The following FHIT variants were observed in gnomAD, a reference collection of about 807,000 sequenced individuals.
FHIT encodes the protein fragile histidine triad diadenosine triphosphatase.
A neutral mutation model predicts 17.9 loss-of-function variants in FHIT; 19 were observed. The ratio of observed to expected loss-of-function variants is 1.06; its 90% CI spans 0.74 to 1.56. The LOEUF is 1.56. Ranked by LOEUF, FHIT falls within the 40% of genes most tolerant of loss-of-function variation. The probability of loss-of-function intolerance (pLI) is 0.00; values close to 1 mark genes in which losing one functional copy is unlikely to be tolerated. For missense variants in FHIT, 248 were observed against 189.2 expected (o/e 1.31, Z -1.82); for synonymous variants, 81 against 69.7 (o/e 1.16, Z -0.81).
intron 4 of FHIT, among the ~76,000 whole-genome samples, chr3:60,786,978 C>T (rs1164787615): frequency 1.5e-5 from 2 of 132,030 alleles, no homozygotes; most frequent in Non-Finnish European, 3.2e-5. Context: ...GGAAAAGAAG[C>T]AGGAAAGAGG....
intron 7 of FHIT, among the ~76,000 whole-genome samples, chr3:59,926,412 T>C (rs576659470): frequency 2.6e-5 from 4 of 152,288 alleles, no homozygotes; most frequent in African/African-American, 7.2e-5. Context: ...TATATTCCAA[T>C]GGGTGATGCA....
chr3:60,130,835 A>G (rs1050637481), intron 5 of FHIT, among the ~76,000 whole-genome samples: 8 of 149,516 alleles, frequency 5.4e-5, no homozygotes, highest in Admixed American at 2.0e-4. Flanking sequence ...AGGTGTGTAC[A>G]TACATACACA....
At chr3:60,917,948 T>C (rs1201321813) in intron 3 of FHIT, among the ~76,000 whole-genome samples, 1 of 152,176 alleles carries the variant, frequency 6.6e-6, no homozygotes, top group African/African-American at 2.4e-5. Context: ...TTGATATGGT[T>C]TGGTTGTGTG....
At chr3:60,916,556 T>G (rs1553767134) in intron 3 of FHIT, among the ~76,000 whole-genome samples, 2 of 152,220 alleles carry the variant, frequency 1.3e-5, no homozygotes, top group Non-Finnish European at 2.9e-5. Context: ...CATTACCCAC[T>G]GCATCACCAT....
chr3:60,132,447 G>A (rs778068751), intron 5 of FHIT, among the ~76,000 whole-genome samples: 2 of 152,114 alleles, frequency 1.3e-5, no homozygotes, highest in African/African-American at 2.4e-5. Flanking sequence ...TTGAAAAGGG[G>A]GGAAAAATTA....
chr3:60,929,793 C>T (rs187106878), intron 3 of FHIT, among the ~76,000 whole-genome samples: 5,121 of 152,200 alleles, frequency 0.034, 288 homozygotes, highest in African/African-American at 0.12. Flanking sequence ...CTGCCCAAGG[C>T]AATTTATAGA....
intron 4 of FHIT, among the ~76,000 whole-genome samples, chr3:60,589,702 T>C (rs541009861): frequency 6.6e-6 from 1 of 152,218 alleles, no homozygotes; most frequent in South Asian, 2.1e-4. Context: ...CAGGAAGTTG[T>C]AGCAATTTAA....
intron 3 of FHIT, among the ~76,000 whole-genome samples, chr3:60,903,085 T>C (rs1477315755): frequency 6.6e-6 from 1 of 152,128 alleles, no homozygotes; most frequent in Non-Finnish European, 1.5e-5. Flanking sequence ...TAAAATATTA[T>C]CTTGAGAATC....
intron 8 of FHIT, among the ~76,000 whole-genome samples, chr3:59,830,542 A>G (rs1349504576): frequency 6.6e-6 from 1 of 152,214 alleles, no homozygotes; most frequent in Non-Finnish European, 1.5e-5. Flanking sequence ...GTTGTTGAAA[A>G]ATCTTTGGGA....
chr3:61,204,630 C>G (rs1042085762), intron 1 of FHIT, among the ~76,000 whole-genome samples: 6 of 124,066 alleles, frequency 4.8e-5, no homozygotes, highest in African/African-American at 1.5e-4. Context: ...AAAATTTTAT[C>G]AAAACGAATG....
At chr3:61,181,994 T>C (rs905975436) in intron 2 of FHIT, among the ~76,000 whole-genome samples, 6 of 152,334 alleles carry the variant, frequency 3.9e-5, no homozygotes, top group South Asian at 4.1e-4. Context: ...CATGCCAACA[T>C]AAGCATTTAA....
At chr3:60,028,412 T>C (rs370039893) in intron 5 of FHIT, among the ~76,000 whole-genome samples, 6 of 152,350 alleles carry the variant, frequency 3.9e-5, no homozygotes, top group East Asian at 3.9e-4. Context: ...ATGTAGATCA[T>C]AGATGTGCAT....
intron 5 of FHIT, among the ~76,000 whole-genome samples, chr3:60,164,811 A>G (rs1158144313): frequency 6.6e-6 from 1 of 151,962 alleles, no homozygotes; most frequent in Non-Finnish European, 1.5e-5. Flanking sequence ...TTAAAGCAGA[A>G]TTTTACCTTG....
rs869239307 is a variant in FHIT at position 60,976,096 on chromosome 3, C to CTTTTTTTTTTTTTTTTT, written c.-111+65934_-111+65950dup. On this transcript the variant is annotated intron_variant, in intron 3 of 9. Transcript: ENST00000492590. ...CTTTGTATCTTTCGTTTTTCTTTTTCTTTTTTTTTTTTTTTTTTTTTTTTT... is the reference window on the plus strand; with the variant it reads ...CTTTGTATCTTTCGTTTTTCTTTTTCTTTTTTTTTTTTTTTTTTTTTTTTTTTTTTTTTTTTTTTTTT... Among the ~76,000 whole-genome samples the CTTTTTTTTTTTTTTTTT allele has an allele frequency of 6.8e-3, 453 of 66,790 alleles. 70 individuals carry two copies. Among genetic ancestry groups the CTTTTTTTTTTTTTTTTT allele is most frequent in the African/African-American group, 7.6e-3 (115 of 15,104 alleles). The allele number at this position is 66,790 out of a possible 152,430, so 43.8% of individuals were successfully genotyped here. A position where few individuals can be genotyped will look rare whatever the true frequency, so the allele number is the denominator to read the frequency against.
intron 8 of FHIT, among the ~76,000 whole-genome samples, chr3:59,767,605 C>T (rs182142499): frequency 8.5e-4 from 130 of 152,176 alleles, no homozygotes; most frequent in Middle Eastern, 3.4e-3. Context: ...GACTGGAGCC[C>T]AACATTAAGG....
At chr3:60,868,342 A>AG (rs1355152458) in intron 3 of FHIT, among the ~76,000 whole-genome samples, 3 of 152,154 alleles carry the variant, frequency 2.0e-5, no homozygotes, top group African/African-American at 7.2e-5. Flanking sequence ...ATTCCTTCAA[A>AG]GCTATCCCAT....
intron 4 of FHIT, among the ~76,000 whole-genome samples, chr3:60,603,851 G>A (rs1485451306): frequency 6.6e-6 from 1 of 152,060 alleles, no homozygotes; most frequent in Non-Finnish European, 1.5e-5. Context: ...CTCTGGCTTA[G>A]GCTCCTTTAA....
intron 5 of FHIT, among the ~76,000 whole-genome samples, chr3:60,266,564 C>G (rs1477785142): frequency 6.6e-6 from 1 of 152,064 alleles, no homozygotes; most frequent in Non-Finnish European, 1.5e-5. Context: ...TATATTATAT[C>G]TCTCTAAAGA....
chr3:59,865,156 A>G (rs185039389), intron 8 of FHIT, among the ~76,000 whole-genome samples: 4 of 152,380 alleles, frequency 2.6e-5, no homozygotes, highest in Non-Finnish European at 5.9e-5. Flanking sequence ...CAAGGAAGAA[A>G]TGACATTTTC....
Sources: gnomAD v4.1 joint callset for allele counts (sites outside exome capture counted in the v4.1 genomes callset) on GRCh38, gnomAD v4.1.1 for gene constraint, MANE v1.5 for transcripts, NCBI Gene and HGNC (gene_info 2026-07-23, HGNC 2026-07-21) for gene names.